STAU2: variants seen among roughly 807,000 people sequenced by gnomAD.
STAU2 encodes the protein double-stranded RNA-binding protein Staufen homolog 2.
A neutral mutation model predicts 65.9 loss-of-function variants in STAU2; 20 were observed. The ratio of observed to expected loss-of-function variants is 0.30; its 90% CI spans 0.21 to 0.44. The LOEUF is 0.44. STAU2 is among the 20% of genes least tolerant of loss of function. The pLI, the probability that STAU2 is intolerant of heterozygous loss-of-function variation, is 1.00. For missense variants in STAU2, 558 were observed against 683.9 expected, an observed-to-expected ratio of 0.82 and a Z score of 2.05; for synonymous variants, 232 against 233.9, an observed-to-expected ratio of 0.99 and a Z score of 0.07.
At chr8:73,696,558 C>T (rs1256388402) in intron 4 of STAU2, among the ~76,000 whole-genome samples, 1 of 152,156 alleles carries the variant, frequency 6.6e-6, no homozygotes, top group African/African-American at 2.4e-5. Context: ...TAAAAAGAAT[C>T]AAGCTGATAT....
rs368235300 is a variant in STAU2 at position 73,467,583 on chromosome 8, C to A, written c.1531-44881G>T. Among the ~76,000 whole-genome samples, 113 of 152,202 alleles carry A rather than the reference C, an allele frequency of 7.4e-4. No homozygotes were observed. In the South Asian group the frequency reaches 0.02, roughly 26 times the overall value. Reference sequence around the variant, plus strand: ...TTGATTAGTTCTTCTCACACTGTCCCTCTAAGGTGGGGTGGGAAAGATATC... The same window carrying A: ...TTGATTAGTTCTTCTCACACTGTCCATCTAAGGTGGGGTGGGAAAGATATC... On this transcript the variant is annotated intron_variant, in intron 13 of 14. Transcript: ENST00000524300.
chr8:73,536,349 A>C (rs1463383625), intron 13 of STAU2, among the ~76,000 whole-genome samples: 1 of 152,182 alleles, frequency 6.6e-6, no homozygotes, highest in Non-Finnish European at 1.5e-5. Flanking sequence ...TGGGGAAAAA[A>C]AGCCCTAAGA....
intron 13 of STAU2, among the ~76,000 whole-genome samples, chr8:73,434,389 C>T (rs932912111): frequency 6.6e-6 from 1 of 151,832 alleles, no homozygotes; most frequent in African/African-American, 2.4e-5. Context: ...CAAGATCACA[C>T]ATTTGTGTTG....
intron 13 of STAU2, among the ~76,000 whole-genome samples, chr8:73,469,316 G>A (rs1021024297): frequency 6.6e-6 from 1 of 152,098 alleles, no homozygotes; most frequent in Non-Finnish European, 1.5e-5. Flanking sequence ...GGGGTTGGGG[G>A]AGTGGGGAGG....
At chr8:73,599,547 T>C (rs1321262636) in intron 10 of STAU2, among the ~76,000 whole-genome samples, 1 of 152,242 alleles carries the variant, frequency 6.6e-6, no homozygotes, top group Admixed American at 6.5e-5. Flanking sequence ...CATGCCACTT[T>C]AATACATTTC....
At chr8:73,625,373 G>A (rs145352807) in intron 6 of STAU2, among the ~76,000 whole-genome samples, 4 of 152,250 alleles carry the variant, frequency 2.6e-5, no homozygotes, top group East Asian at 1.9e-4. Flanking sequence ...TTTTACAGTC[G>A]TACAAAGGAA....
chr8:73,709,789 TA>T (rs924208464), intron 3 of STAU2, among the ~76,000 whole-genome samples: 3 of 149,464 alleles, frequency 2.0e-5, no homozygotes, highest in African/African-American at 2.4e-5. Flanking sequence ...TAACTCTTAT[TA>T]AAAAAAAAAT....
intron 13 of STAU2, among the ~76,000 whole-genome samples, chr8:73,546,428 A>G (rs796102761): frequency 3.8e-4 from 58 of 152,332 alleles, no homozygotes; most frequent in African/African-American, 1.4e-3. Flanking sequence ...TTCAAACATT[A>G]TACAATAGCT....
chr8:73,456,685 C>T (rs533069959), intron 13 of STAU2, among the ~76,000 whole-genome samples: 1 of 152,290 alleles, frequency 6.6e-6, no homozygotes, highest in African/African-American at 2.4e-5. Context: ...TCTCTTCCTA[C>T]CGTTCCTATG....
intron 13 of STAU2, chr8:73,438,884 T>A: frequency 2.2e-6 from 1 of 453,822 alleles, no homozygotes; most frequent in Non-Finnish European, 4.4e-6. Flanking sequence ...ACCTAATGTG[T>A]GGGGAGCTTG....
At chr8:73,740,539 C>T (rs1277388388) in intron 1 of STAU2, among the ~76,000 whole-genome samples, 1 of 152,008 alleles carries the variant, frequency 6.6e-6, no homozygotes, top group Non-Finnish European at 1.5e-5. Context: ...AAAATACACC[C>T]GCTTTCAATA....
rs1209442797 is a variant in STAU2, at chr8:73,673,254, A to C, written c.275-12T>G. 1 of 1,539,356 alleles carries C rather than the reference A, an allele frequency of 6.5e-7. No individual in the cohort carries two copies. The highest frequency in any genetic ancestry group is 1.3e-5 in the South Asian group (1 of 78,622). ...TGGAGTTATACTGCCTGTTTAAAAAAAAAACATTAAAGGCACACAAGTGAA... is the reference window on the plus strand; with the variant it reads ...TGGAGTTATACTGCCTGTTTAAAAACAAAACATTAAAGGCACACAAGTGAA... On this transcript the variant is annotated splice_polypyrimidine_tract_variant and intron_variant, in intron 5 of 14. Transcript: ENST00000524300.
intron 8 of STAU2, among the ~76,000 whole-genome samples, chr8:73,615,193 C>T (rs139386328): frequency 1.3e-4 from 20 of 151,180 alleles, no homozygotes; most frequent in Non-Finnish European, 2.5e-4. Flanking sequence ...AATATATTTG[C>T]AATATATTTA....
intron 6 of STAU2, chr8:73,651,171 C>A: frequency 1.8e-6 from 2 of 1,100,414 alleles, no homozygotes; most frequent in Admixed American, 2.0e-5. Flanking sequence ...AGGCATCGGG[C>A]CCCGAGGAGC....
chr8:73,446,998 G>A (rs2128893180), intron 13 of STAU2, among the ~76,000 whole-genome samples: 1 of 152,340 alleles, frequency 6.6e-6, no homozygotes, highest in African/African-American at 2.4e-5. Flanking sequence ...CTGGAGTGCA[G>A]TGGCAAGATC....
intron 9 of STAU2, among the ~76,000 whole-genome samples, chr8:73,612,801 G>A (rs902494550): frequency 6.6e-6 from 1 of 152,144 alleles, no homozygotes; most frequent in African/African-American, 2.4e-5. Context: ...TCCTTCATTT[G>A]TATAGCCTGA....
intron 13 of STAU2, among the ~76,000 whole-genome samples, chr8:73,435,974 T>G (rs1327158350): frequency 1.3e-5 from 2 of 151,824 alleles, no homozygotes; most frequent in East Asian, 3.9e-4. Context: ...ACTTGGAAGG[T>G]CTGTTTGAGA....
At position 73,723,108 on chromosome 8, in the gene STAU2, C is replaced by CCACA. The variant is rs370518442; in HGVS notation, c.-17-13950_-17-13947dup. 5.4e-5 allele frequency among the ~76,000 whole-genome samples: 8 copies of CCACA among 148,976 alleles called. No homozygotes were observed. In the East Asian group the frequency reaches 7.8e-4, roughly 14 times the overall value. Reference sequence around the variant, plus strand: ...CTAGAGTGCGTGCGTGCCCACACACCCACACACACACACACACATACACAC... The same window carrying CCACA: ...CTAGAGTGCGTGCGTGCCCACACACCCACACACACACACACACACACATACACAC... On this transcript the variant is annotated intron_variant, in intron 3 of 14. Transcript: ENST00000524300.
intron 6 of STAU2, chr8:73,653,270 AAGGTTGATAATG>A (rs1467366295): frequency 4.6e-5 from 7 of 152,358 alleles, no homozygotes; most frequent in African/African-American, 1.7e-4. Flanking sequence ...TATTGTTTAT[AAGGTTGATAATG>A]AGTCAACAGC....
Sources: allele counts gnomAD v4.1 joint callset (sites outside exome capture counted in the v4.1 genomes callset), GRCh38; gene constraint gnomAD v4.1.1; transcripts MANE v1.5; gene names NCBI Gene and HGNC (gene_info 2026-07-23, HGNC 2026-07-21).